The following FSTL4 variants were observed in gnomAD, a reference collection of about 807,000 sequenced individuals.
FSTL4 encodes the protein follistatin like 4, also known as follistatin-related protein 4.
Under a neutral mutation model 78.2 loss-of-function variants are expected in FSTL4, and 28 were observed. The ratio of observed to expected loss-of-function variants is 0.36; its 90% CI spans 0.27 to 0.49. FSTL4 has a LOEUF of 0.49. Among genes scored for constraint, FSTL4 ranks in the 20% least tolerant of loss-of-function variants. The pLI, the probability that FSTL4 is intolerant of heterozygous loss-of-function variation, is 0.98. For synonymous variants in FSTL4, 422 were observed against 440.5 expected (o/e 0.96, Z 0.53); for missense variants, 922 against 1,084.9 (o/e 0.85, Z 2.11).
chr5:133,464,163 G>A (rs943663636), intron 3 of FSTL4, among the ~76,000 whole-genome samples: 2 of 152,190 alleles, frequency 1.3e-5, no homozygotes, highest in African/African-American at 4.8e-5. Context: ...ACTAAGCAGT[G>A]TTGGGGCCGC....
chr5:133,520,759 G>A (rs1407282820), intron 3 of FSTL4, among the ~76,000 whole-genome samples: 1 of 152,080 alleles, frequency 6.6e-6, no homozygotes, highest in Non-Finnish European at 1.5e-5. Flanking sequence ...ATTTCTCACT[G>A]TGCATAATAT....
Position 133,196,776 on chromosome 5 carries a change from T to G in FSTL4, c.*2319A>C. On this transcript the variant is annotated 3_prime_UTR_variant, in exon 16 of 16. Transcript: ENST00000265342. ...CCCTGACTCCCCACCCAACCAACTC[T>G]ATTGGTTTTCCTGCCAAAAGGCATT... The G allele has an allele frequency of 6.7e-6, 1 of 150,010 alleles. No individual in the cohort carries two copies. Among genetic ancestry groups the G allele is most frequent in the Admixed American group, 6.6e-5 (1 of 15,152 alleles). 9.3% of individuals were successfully genotyped at this position (150,010 alleles called of 1,614,324 possible).
intron 2 of FSTL4, among the ~76,000 whole-genome samples, chr5:133,582,238 G>T (rs1760429425): frequency 6.6e-6 from 1 of 152,144 alleles, no homozygotes; most frequent in South Asian, 2.1e-4. Context: ...GGAGAATGGG[G>T]CCACTGGGCT....
intron 3 of FSTL4, among the ~76,000 whole-genome samples, chr5:133,438,414 G>C (rs983972689): frequency 4.6e-5 from 7 of 152,222 alleles, no homozygotes; most frequent in Admixed American, 3.9e-4. Flanking sequence ...GCAGCAGATG[G>C]TATTGGTTGG....
At chr5:133,481,205 T>C (rs1758020297) in intron 3 of FSTL4, among the ~76,000 whole-genome samples, 1 of 152,120 alleles carries the variant, frequency 6.6e-6, no homozygotes, top group African/African-American at 2.4e-5. Context: ...TTGGCGTTAA[T>C]CTGGATTGCA....
chr5:133,776,850 T>C, the FSTL4 span, among the ~76,000 whole-genome samples: 1 of 152,200 alleles, frequency 6.6e-6, no homozygotes, highest in African/African-American at 2.4e-5. Flanking sequence ...AGGCCATCTA[T>C]TGTCAATGAT....
rs911196700 is a variant in FSTL4, at chr5:133,536,242, A to G, written c.160+30944T>C. 5.3e-5 allele frequency among the ~76,000 whole-genome samples: 8 copies of G among 152,368 alleles called. No individual in the cohort carries two copies. The East Asian group carries it at 1.5e-3, about 29-fold the overall frequency. Reference sequence around the variant, plus strand: ...GAAAAATTATTCCAACTGACTAGTCAGAAATAAACCTCAATTTTTAGTCTA... The same window carrying G: ...GAAAAATTATTCCAACTGACTAGTCGGAAATAAACCTCAATTTTTAGTCTA... On this transcript the variant is annotated intron_variant, in intron 3 of 15. Transcript: ENST00000265342.
the FSTL4 span, among the ~76,000 whole-genome samples, chr5:133,740,685 G>A: frequency 1.3e-5 from 2 of 152,146 alleles, no homozygotes; most frequent in Non-Finnish European, 2.9e-5. Context: ...ATCTGCCAGT[G>A]GCCAGGGGCA....
the FSTL4 span, among the ~76,000 whole-genome samples, chr5:133,811,531 G>T: frequency 6.6e-6 from 1 of 152,182 alleles, no homozygotes; most frequent in South Asian, 2.1e-4. Flanking sequence ...ACCCTGAGCC[G>T]CCTTGGGCCT....
At chr5:133,829,482 C>G in the FSTL4 span, among the ~76,000 whole-genome samples, 1 of 152,226 alleles carries the variant, frequency 6.6e-6, no homozygotes, top group Non-Finnish European at 1.5e-5. Flanking sequence ...GTGCCCTGCT[C>G]TCCCATTCAT....
intron 15 of FSTL4, among the ~76,000 whole-genome samples, chr5:133,201,372 C>G (rs577859153): frequency 4.6e-5 from 7 of 152,110 alleles, no homozygotes; most frequent in Admixed American, 6.6e-5. Context: ...AATCAGGAAG[C>G]CTTGTCTCGT....
At chr5:133,524,395 G>C (rs1192146965) in intron 3 of FSTL4, among the ~76,000 whole-genome samples, 1 of 152,192 alleles carries the variant, frequency 6.6e-6, no homozygotes, top group Non-Finnish European at 1.5e-5. Flanking sequence ...TGACTGAAGA[G>C]TGAAGAGCCA....
At chr5:133,437,708 C>G (rs915969470) in intron 3 of FSTL4, among the ~76,000 whole-genome samples, 2 of 151,658 alleles carry the variant, frequency 1.3e-5, no homozygotes, top group Non-Finnish European at 2.9e-5. Context: ...CCAGGCTGGT[C>G]TTGAACTCCT....
intron 6 of FSTL4, among the ~76,000 whole-genome samples, chr5:133,305,246 C>T (rs981526868): frequency 5.9e-5 from 9 of 152,188 alleles, no homozygotes; most frequent in African/African-American, 2.2e-4. Flanking sequence ...ACTCACCACT[C>T]ACTGGGCAAC....
chr5:133,796,592 G>A, the FSTL4 span, among the ~76,000 whole-genome samples: 2,021 of 152,022 alleles, frequency 0.013, 52 homozygotes, highest in African/African-American at 0.047. Flanking sequence ...ATCCCTCTCC[G>A]ACCACCCCCA....
At chr5:133,830,788 G>A in the FSTL4 span, among the ~76,000 whole-genome samples, 5 of 152,168 alleles carry the variant, frequency 3.3e-5, no homozygotes, top group African/African-American at 1.2e-4. Flanking sequence ...GGCACAGCCT[G>A]AAGCACCCTC....
intron 4 of FSTL4, among the ~76,000 whole-genome samples, chr5:133,331,730 A>G (rs1204760308): frequency 6.6e-6 from 1 of 152,210 alleles, no homozygotes; most frequent in Non-Finnish European, 1.5e-5. Flanking sequence ...AACGATTGAC[A>G]GTAAATCCCT....
chr5:133,198,772 G>A lies in FSTL4; in HGVS notation c.*323C>T. On this transcript the variant is annotated 3_prime_UTR_variant, in exon 16 of 16. Coordinates refer to ENST00000265342, the MANE Select transcript of FSTL4 (RefSeq NM_015082.2). ...CTATGTGAAGGCAACTGACAGAGGT[G>A]TCTGCTTGGAGAGCAGGATCCCTTG... The A allele has an allele frequency of 4.6e-6, 1 of 219,604 alleles. No homozygotes were observed. The highest frequency in any genetic ancestry group is 9.7e-5 in the East Asian group (1 of 10,346). The allele number at this position is 219,604 out of a possible 1,614,324, so 13.6% of individuals were successfully genotyped here. A position where few individuals can be genotyped will look rare whatever the true frequency, so the allele number is the denominator to read the frequency against.
At chr5:133,284,171 T>C (rs542497163) in intron 6 of FSTL4, among the ~76,000 whole-genome samples, 1 of 152,314 alleles carries the variant, frequency 6.6e-6, no homozygotes, top group Admixed American at 6.5e-5. Flanking sequence ...TCCACAGATG[T>C]GGGAGGGGGC....
Sources: allele counts gnomAD v4.1 joint callset (sites outside exome capture counted in the v4.1 genomes callset), GRCh38; gene constraint gnomAD v4.1.1; transcripts MANE v1.5; gene names NCBI Gene and HGNC (gene_info 2026-07-23, HGNC 2026-07-21).